PDXDC1: variants seen among roughly 807,000 people sequenced by gnomAD.
The protein encoded by PDXDC1 is pyridoxal dependent decarboxylase domain containing 1.
Under a neutral mutation model 100.1 loss-of-function variants are expected in PDXDC1, and 42 were observed. The ratio of observed to expected loss-of-function variants is 0.42; its 90% CI spans 0.33 to 0.54. The LOEUF (loss-of-function observed/expected upper bound fraction) is 0.54, where lower values mean the gene tolerates loss of function less well. Ranked by LOEUF, PDXDC1 falls within the 20% of genes least tolerant of loss-of-function variation. The pLI is 0.10. For missense variants in PDXDC1, 636 were observed against 979.2 expected, an observed-to-expected ratio of 0.65 and a Z score of 4.68; for synonymous variants, 260 against 371.7, an observed-to-expected ratio of 0.70 and a Z score of 3.46.
chr16:15,084,922 C>G (rs890725769), intron 16 of PDXDC1, among the ~76,000 whole-genome samples: 2 of 151,736 alleles, frequency 1.3e-5, no homozygotes, highest in African/African-American at 2.4e-5. Context: ...AAAAATTAGC[C>G]AGGCATGGTG....
intron 16 of PDXDC1, chr16:15,061,657 A>G: frequency 2.3e-6 from 3 of 1,307,264 alleles, no homozygotes; most frequent in South Asian, 1.4e-5. Context: ...CAATGCCATC[A>G]ATGCCCAATG....
chr16:15,143,943 C>A (rs1434416006), downstream of PDXDC1, among the ~76,000 whole-genome samples: 1 of 152,166 alleles, frequency 6.6e-6, no homozygotes, highest in Non-Finnish European at 1.5e-5. Context: ...GGCACCCCTG[C>A]CCGCGCTGGC....
chr16:15,135,997 T>C (rs2048331526), intron 16 of PDXDC1: 5 of 1,546,416 alleles, frequency 3.2e-6, no homozygotes, highest in Non-Finnish European at 4.4e-6. Context: ...CCAGATGCAG[T>C]GCTCGGCTGT....
chr16:14,993,137 T>C (rs1175663573), intron 1 of PDXDC1, among the ~76,000 whole-genome samples: 2 of 152,280 alleles, frequency 1.3e-5, no homozygotes, highest in South Asian at 4.1e-4. Context: ...AAAAAAATTT[T>C]TTTTTTAATT....
Position 15,001,873 on chromosome 16 carries a change from C to T in PDXDC1, c.242+17C>T, listed in dbSNP as rs1567647786. On this transcript the variant is annotated intron_variant, in intron 4 of 22. Coordinates refer to ENST00000396410, the MANE Select transcript of PDXDC1 (RefSeq NM_015027.4). ...GAGCCCCAGGTAATGAACCTGGCAG[C>T]TTCTCTTTTCAAGTGTATGTGTTCT... is the stretch of plus-strand genomic sequence containing the variant. The T allele has an allele frequency of 6.3e-7, 1 of 1,589,368 alleles. No individual in the cohort carries two copies. Among genetic ancestry groups the T allele is most frequent in the East Asian group, 2.3e-5 (1 of 43,370 alleles).
chr16:15,097,312 A>T (rs999340264), intron 16 of PDXDC1, among the ~76,000 whole-genome samples: 1 of 151,440 alleles, frequency 6.6e-6, no homozygotes, highest in African/African-American at 2.4e-5. Flanking sequence ...GTACAAAATA[A>T]TATGTTAATG....
intron 4 of PDXDC1, among the ~76,000 whole-genome samples, 191 bp from the exon 5 acceptor site, chr16:15,003,996 T>A (rs1475646798): frequency 2.0e-5 from 3 of 152,238 alleles, no homozygotes; most frequent in East Asian, 1.9e-4. Flanking sequence ...GAAAAAAAAA[T>A]ATATTTTTTT....
At chr16:15,125,043 A>T (rs1325465229) in intron 16 of PDXDC1, among the ~76,000 whole-genome samples, 1 of 145,600 alleles carries the variant, frequency 6.9e-6, no homozygotes, top group Non-Finnish European at 1.5e-5. Flanking sequence ...GCTACTCAGG[A>T]GGCTGAGGCA....
chr16:14,985,678 T>C (rs1969205230), intron 1 of PDXDC1, among the ~76,000 whole-genome samples: 1 of 152,294 alleles, frequency 6.6e-6, no homozygotes, highest in Admixed American at 6.5e-5. Flanking sequence ...GATTCTTGAC[T>C]TTTCCTCCAA....
chr16:15,021,288 G>A (rs1344467038), intron 12 of PDXDC1, among the ~76,000 whole-genome samples: 2 of 152,174 alleles, frequency 1.3e-5, no homozygotes, highest in African/African-American at 4.8e-5. Context: ...GAGGTGGGAA[G>A]ATCACTTGAG....
At chr16:15,132,377 G>T (rs1217393751) in intron 16 of PDXDC1, among the ~76,000 whole-genome samples, 2 of 84,352 alleles carry the variant, frequency 2.4e-5, no homozygotes, top group African/African-American at 9.6e-5. Flanking sequence ...GGGGAGGGAG[G>T]GGGAGGGGAG....
chr16:15,047,498 C>A, intron 16 of PDXDC1: 2 of 1,614,106 alleles, frequency 1.2e-6, no homozygotes, highest in Non-Finnish European at 1.7e-6. Flanking sequence ...TCAAGGGGAC[C>A]TCAGCTTTGG....
At chr16:15,101,262 C>T (rs1169413794) in intron 16 of PDXDC1, among the ~76,000 whole-genome samples, 1 of 152,204 alleles carries the variant, frequency 6.6e-6, no homozygotes, top group East Asian at 1.9e-4. Context: ...TGTGGTTACA[C>T]TCAGGTGGAA....
chr16:14,999,557 A>T (rs1283501953), intron 3 of PDXDC1, among the ~76,000 whole-genome samples: 3 of 152,240 alleles, frequency 2.0e-5, no homozygotes, highest in African/African-American at 7.2e-5. Context: ...AATAAAAGTG[A>T]TATACAAATT....
At chr16:15,043,039 T>G (rs1200196316), downstream of PDXDC1, among the ~76,000 whole-genome samples, 1 of 152,138 alleles carries the variant, frequency 6.6e-6, no homozygotes, top group Non-Finnish European at 1.5e-5. Context: ...TAGCTGGGAT[T>G]ACAGGCATGC....
chr16:15,140,093 C>T (rs140574112), downstream of PDXDC1, among the ~76,000 whole-genome samples: 1 of 12,322 alleles, frequency 8.1e-5, no homozygotes. Context: ...GAGACTCCAT[C>T]TCAAAAAAAA....
chr16:15,055,969 C>T (rs1407475301), intron 16 of PDXDC1: 3 of 1,224,096 alleles, frequency 2.5e-6, no homozygotes, highest in Non-Finnish European at 3.1e-6. Context: ...CGAGCAGCGG[C>T]ATCGCGGAGG....
At chr16:15,024,493 G>T (rs112760670) in intron 13 of PDXDC1, among the ~76,000 whole-genome samples, 74 of 151,086 alleles carry the variant, frequency 4.9e-4, no homozygotes, top group African/African-American at 1.7e-3. Context: ...TCTAACCTCC[G>T]CCTCCTGGGT....
At chr16:15,058,001 C>G in intron 16 of PDXDC1, among the ~76,000 whole-genome samples, 1 of 152,200 alleles carries the variant, frequency 6.6e-6, no homozygotes, top group East Asian at 1.9e-4. Context: ...TTTTGGTCTA[C>G]AGGCAATGAG....
Sources: allele counts gnomAD v4.1 joint callset (sites outside exome capture counted in the v4.1 genomes callset), GRCh38; gene constraint gnomAD v4.1.1; transcripts MANE v1.5; gene names NCBI Gene and HGNC (gene_info 2026-07-23, HGNC 2026-07-21).